Variants in TCF12 observed in about 807,000 individuals in gnomAD.
The protein encoded by TCF12 is DNA-binding protein HTF4.
Under a neutral mutation model 86.0 loss-of-function variants are expected in TCF12, and 45 were observed. That is an observed-to-expected ratio of 0.52 (90% CI 0.41 to 0.67). TCF12 has a LOEUF of 0.67. TCF12 is among the 30% of genes least tolerant of loss of function. The pLI is 0.00. For missense variants in TCF12, 881 were observed against 859.9 expected (o/e 1.02, Z -0.31); for synonymous variants, 330 against 299.6 (o/e 1.10, Z -1.05).
At chr15:57,015,025 C>T (rs1357635996) in intron 3 of TCF12, among the ~76,000 whole-genome samples, 1 of 152,050 alleles carries the variant, frequency 6.6e-6, no homozygotes, top group Non-Finnish European at 1.5e-5. Flanking sequence ...CGTGGTGGCT[C>T]ACACCTGTAA....
chr15:57,063,897 T>C lies in TCF12; in HGVS notation c.222+74T>C, dbSNP rs555600248. The C allele has an allele frequency of 1.4e-5, 16 of 1,140,450 alleles. No individual in the cohort carries two copies. In the African/African-American group the frequency reaches 2.3e-4, roughly 16 times the overall value. The allele number at this position is 1,140,450 out of a possible 1,614,324, so 70.6% of individuals were successfully genotyped here. ...CGTAATTTCTTTCATATATGCTGTT[T>C]CTTATGAGAAATGAAAATTAATTTC... On this transcript the variant is annotated intron_variant, in intron 4 of 20. Transcript: ENST00000333725.
intron 8 of TCF12, among the ~76,000 whole-genome samples, chr15:57,209,216 A>G (rs2593221): frequency 0.26 from 38,876 of 151,980 alleles, 5,099 homozygotes; most frequent in African/African-American, 0.29. Context: ...CAAACCTTCA[A>G]TATGTTAACT....
intron 3 of TCF12, among the ~76,000 whole-genome samples, chr15:56,961,817 A>T (rs2061766019): frequency 6.6e-6 from 1 of 152,128 alleles, no homozygotes; most frequent in Admixed American, 6.5e-5. Flanking sequence ...TTATGTGAGT[A>T]TATGCTTGTG....
At chr15:57,139,006 AG>A (rs1381393382) in intron 5 of TCF12, among the ~76,000 whole-genome samples, 1 of 152,200 alleles carries the variant, frequency 6.6e-6, no homozygotes, top group Non-Finnish European at 1.5e-5. Flanking sequence ...GCTAAAATTA[AG>A]CTTTATACAT....
intron 8 of TCF12, among the ~76,000 whole-genome samples, chr15:57,211,796 A>T (rs2058112197): frequency 6.6e-6 from 1 of 152,232 alleles, no homozygotes; most frequent in Non-Finnish European, 1.5e-5. Context: ...TCTACTAAAA[A>T]TACAAAACTT....
At chr15:56,946,099 A>G (rs2060982667) in intron 3 of TCF12, among the ~76,000 whole-genome samples, 1 of 152,154 alleles carries the variant, frequency 6.6e-6, no homozygotes, top group Non-Finnish European at 1.5e-5. Flanking sequence ...GACTAAGGCA[A>G]GGTTTCTCTG....
At chr15:57,275,899 G>C (rs902594971) in intron 19 of TCF12, among the ~76,000 whole-genome samples, 1 of 152,170 alleles carries the variant, frequency 6.6e-6, no homozygotes, top group Non-Finnish European at 1.5e-5. Flanking sequence ...GATTTTGCCA[G>C]AGCATTTTTT....
At chr15:57,108,665 G>A (rs1453632576) in intron 5 of TCF12, among the ~76,000 whole-genome samples, 1 of 151,912 alleles carries the variant, frequency 6.6e-6, no homozygotes, top group Admixed American at 6.6e-5. Context: ...TGGTGTGGGG[G>A]TGAGGGACAT....
At chr15:57,094,766 CAT>C (rs2049210269) in intron 5 of TCF12, among the ~76,000 whole-genome samples, 1 of 152,116 alleles carries the variant, frequency 6.6e-6, no homozygotes. Context: ...TTGCTGTCAA[CAT>C]ATAAAAACAC....
At chr15:57,151,171 G>A (rs1475193899) in intron 5 of TCF12, among the ~76,000 whole-genome samples, 5 of 144,164 alleles carry the variant, frequency 3.5e-5, no homozygotes, top group Non-Finnish European at 4.5e-5. Context: ...TTTAGAGACA[G>A]GGTCTTACTA....
intron 18 of TCF12, among the ~76,000 whole-genome samples, chr15:57,267,418 T>C (rs1350126014): frequency 6.6e-6 from 1 of 152,238 alleles, no homozygotes; most frequent in Non-Finnish European, 1.5e-5. Context: ...GACCACTCTT[T>C]GGAGGCATCT....
chr15:57,200,489 T>A (rs2151757460), intron 8 of TCF12, among the ~76,000 whole-genome samples: 1 of 152,340 alleles, frequency 6.6e-6, no homozygotes, highest in South Asian at 2.1e-4. Context: ...TTATGATAAT[T>A]TGAATATTAT....
At chr15:57,135,712 C>T (rs1054790568) in intron 5 of TCF12, among the ~76,000 whole-genome samples, 8 of 152,138 alleles carry the variant, frequency 5.3e-5, no homozygotes, top group African/African-American at 1.4e-4. Flanking sequence ...TTTGTTATTT[C>T]GCCAAGCAGT....
At chr15:57,265,506 A>G (rs1567016365) in intron 18 of TCF12, among the ~76,000 whole-genome samples, 1 of 152,116 alleles carries the variant, frequency 6.6e-6, no homozygotes, top group African/African-American at 2.4e-5. Context: ...AACTGGAATA[A>G]TTGGGTAAAT....
At chr15:56,935,448 G>A (rs961297591) in intron 3 of TCF12, among the ~76,000 whole-genome samples, 1 of 152,030 alleles carries the variant, frequency 6.6e-6, no homozygotes. Flanking sequence ...GGTCTCATAT[G>A]TGCCCTTTGG....
At chr15:57,119,270 G>GT (rs1392685463) in intron 5 of TCF12, among the ~76,000 whole-genome samples, 1 of 151,358 alleles carries the variant, frequency 6.6e-6, no homozygotes, top group South Asian at 2.1e-4. Flanking sequence ...TGGTGGTTTT[G>GT]TTTTTTTGTT....
chr15:57,167,571 A>T (rs532074717), intron 6 of TCF12, among the ~76,000 whole-genome samples: 1 of 152,068 alleles, frequency 6.6e-6, no homozygotes, highest in Non-Finnish European at 1.5e-5. Flanking sequence ...AAAGAGAGAG[A>T]GAGAAAGGAG....
chr15:57,246,284 C>T (rs1291988139), intron 13 of TCF12, among the ~76,000 whole-genome samples: 3 of 152,118 alleles, frequency 2.0e-5, no homozygotes, highest in Non-Finnish European at 4.4e-5. Context: ...CCAGTGTTTT[C>T]CTTGGGAACT....
intron 3 of TCF12, among the ~76,000 whole-genome samples, chr15:57,024,332 G>A (rs2065690679): frequency 6.8e-6 from 1 of 146,022 alleles, no homozygotes; most frequent in Admixed American, 7.4e-5. Flanking sequence ...CTATTCTCCT[G>A]CCTTCTGAGT....
Sources: allele counts gnomAD v4.1 joint callset (sites outside exome capture counted in the v4.1 genomes callset), GRCh38; gene constraint gnomAD v4.1.1; transcripts MANE v1.5; gene names NCBI Gene and HGNC (gene_info 2026-07-23, HGNC 2026-07-21).